ITGBL1: variants seen among roughly 807,000 people sequenced by gnomAD.
ITGBL1 encodes integrin beta-like protein 1.
A neutral mutation model predicts 68.5 loss-of-function variants in ITGBL1; 51 were observed. The observed-to-expected ratio is 0.74, with a 90% CI of 0.59 to 0.94. The LOEUF is 0.94. Ranked by LOEUF, ITGBL1 falls within the 40% of genes least tolerant of loss-of-function variation. The pLI is 0.00. For synonymous variants in ITGBL1, 209 were observed against 227.3 expected (o/e 0.92, Z 0.72); for missense variants, 649 against 647.4 (o/e 1.00, Z -0.03).
intron 2 of ITGBL1, among the ~76,000 whole-genome samples, chr13:101,548,942 A>G (rs566818430): frequency 6.6e-6 from 1 of 151,928 alleles, no homozygotes; most frequent in African/African-American, 2.4e-5. Flanking sequence ...AAGGCTTAAA[A>G]TGAAGAATAC....
At chr13:101,528,708 A>G in intron 2 of ITGBL1, among the ~76,000 whole-genome samples, 1 of 152,022 alleles carries the variant, frequency 6.6e-6, no homozygotes. Context: ...AAAGTCGTTA[A>G]GTAGTTCTTA....
chr13:101,690,794 C>CCA, intron 7 of ITGBL1, among the ~76,000 whole-genome samples: 1 of 152,156 alleles, frequency 6.6e-6, no homozygotes, highest in Non-Finnish European at 1.5e-5. Flanking sequence ...ATGGATCCTT[C>CCA]TGACATTTTA....
intron 3 of ITGBL1, among the ~76,000 whole-genome samples, chr13:101,574,315 A>G (rs1572327): frequency 0.9 from 136,723 of 152,034 alleles, 61,958 homozygotes; most frequent in Middle Eastern, 0.96. Flanking sequence ...CTATTGTCTC[A>G]TGCTGGAAGT....
chr13:101,634,941 GGTGTGTGT>G (rs59309809), intron 7 of ITGBL1, among the ~76,000 whole-genome samples: 89 of 145,894 alleles, frequency 6.1e-4, no homozygotes, highest in African/African-American at 1.9e-3. Context: ...ATAAGCAAAA[GGTGTGTGT>G]GTGTGTGTGT....
rs373403806 is a variant in ITGBL1 at position 101,655,324 on chromosome 13, A to G, written c.1016-37261A>G. ...ATGTGGGAGGAGTGGACATATTGCA[A>G]AAAGCAGTTGCCAGACATGCACATT... On this transcript the variant is annotated intron_variant, in intron 7 of 10. Coordinates refer to ENST00000376180, the MANE Select transcript of ITGBL1 (RefSeq NM_004791.3). Among the ~76,000 whole-genome samples, 6 of 152,324 alleles carry G rather than the reference A, an allele frequency of 3.9e-5. No individual in the cohort carries two copies. The East Asian group carries it at 7.7e-4, about 20-fold the overall frequency.
chr13:101,647,508 G>A lies in ITGBL1; in HGVS notation c.1016-45077G>A, dbSNP rs761748823. 1.4e-4 allele frequency among the ~76,000 whole-genome samples: 21 copies of A among 152,276 alleles called. 1 individual carries two copies. The highest frequency in any genetic ancestry group is 3.4e-3 in the Middle Eastern group (1 of 294). ...ACCAACAAAAAAAAATATATTTGAAGGAATGGGAATGCCGTTAAGGCAGCC... is the reference window on the plus strand; with the variant it reads ...ACCAACAAAAAAAAATATATTTGAAAGAATGGGAATGCCGTTAAGGCAGCC... On this transcript the variant is annotated intron_variant, in intron 7 of 10. Coordinates refer to ENST00000376180, the MANE Select transcript of ITGBL1 (RefSeq NM_004791.3).
intron 3 of ITGBL1, among the ~76,000 whole-genome samples, 165 bp from the exon 4 acceptor site, chr13:101,575,259 A>G (rs1336677153): frequency 1.3e-5 from 2 of 152,208 alleles, no homozygotes; most frequent in Admixed American, 1.3e-4. Flanking sequence ...AATAACCTCA[A>G]GAAAGAGTAG....
intron 6 of ITGBL1, among the ~76,000 whole-genome samples, chr13:101,596,513 G>C (rs2029981772): frequency 6.6e-6 from 1 of 152,074 alleles, no homozygotes; most frequent in African/African-American, 2.4e-5. Flanking sequence ...ATTTCACAAT[G>C]CATATGCATA....
intron 2 of ITGBL1, among the ~76,000 whole-genome samples, chr13:101,559,002 A>G (rs2050057672): frequency 6.6e-6 from 1 of 152,216 alleles, no homozygotes; most frequent in Admixed American, 6.5e-5. Flanking sequence ...CAGCCAAAAT[A>G]CTGTGTTTTG....
intron 7 of ITGBL1, among the ~76,000 whole-genome samples, chr13:101,619,934 A>G (rs550894536): frequency 6.6e-6 from 1 of 152,244 alleles, no homozygotes; most frequent in Non-Finnish European, 1.5e-5. Context: ...CCAAAGCACA[A>G]CTTTATAGCT....
intron 7 of ITGBL1, among the ~76,000 whole-genome samples, chr13:101,676,978 G>A (rs9582516): frequency 4.6e-5 from 7 of 152,178 alleles, no homozygotes; most frequent in African/African-American, 1.7e-4. Context: ...ATAAAAATTA[G>A]CTGGGCGTGG....
intron 2 of ITGBL1, among the ~76,000 whole-genome samples, chr13:101,518,921 C>T (rs532605196): frequency 6.6e-6 from 1 of 152,258 alleles, no homozygotes; most frequent in East Asian, 1.9e-4. Flanking sequence ...CTAGTTACCA[C>T]AGTTAGGACT....
chr13:101,667,443 C>T (rs1477836840), intron 7 of ITGBL1, among the ~76,000 whole-genome samples: 2 of 149,242 alleles, frequency 1.3e-5, no homozygotes, highest in Non-Finnish European at 3.0e-5. Flanking sequence ...GAAACATAAA[C>T]AGCAAGGAAT....
At position 101,621,697 on chromosome 13, in the gene ITGBL1, T is replaced by C. The variant is rs551805920; in HGVS notation, c.1015+23398T>C. 6.6e-5 allele frequency among the ~76,000 whole-genome samples: 10 copies of C among 152,274 alleles called. No individual in the cohort carries two copies. The South Asian group carries it at 1.0e-3, about 16-fold the overall frequency. ...CAGTCTTAATGCATTGAAATGAAGATAATACAAAAAGAAAGCTTTTTCAAA... is the reference window on the plus strand; with the variant it reads ...CAGTCTTAATGCATTGAAATGAAGACAATACAAAAAGAAAGCTTTTTCAAA... On this transcript the variant is annotated intron_variant, in intron 7 of 10. Coordinates refer to ENST00000376180, the MANE Select transcript of ITGBL1 (RefSeq NM_004791.3).
chr13:101,459,604 A>G (rs769080317), intron 2 of ITGBL1, among the ~76,000 whole-genome samples: 5 of 151,936 alleles, frequency 3.3e-5, no homozygotes, highest in Non-Finnish European at 7.4e-5. Flanking sequence ...TTAGCTGGGC[A>G]TGGTGCACAC....
At chr13:101,455,101 G>A (rs1390142634) in intron 2 of ITGBL1, among the ~76,000 whole-genome samples, 4 of 152,182 alleles carry the variant, frequency 2.6e-5, no homozygotes, top group African/African-American at 7.2e-5. Flanking sequence ...ATGCATTCCA[G>A]CCAGGGTTTG....
At chr13:101,673,499 A>G (rs1363296661) in intron 7 of ITGBL1, among the ~76,000 whole-genome samples, 2 of 152,112 alleles carry the variant, frequency 1.3e-5, no homozygotes, top group East Asian at 3.9e-4. Flanking sequence ...ACCTGGATAA[A>G]CCCCTTTGGG....
At chr13:101,483,634 A>C (rs189949604) in intron 2 of ITGBL1, among the ~76,000 whole-genome samples, 79 of 152,296 alleles carry the variant, frequency 5.2e-4, no homozygotes, top group African/African-American at 1.8e-3. Context: ...ATACTGGGCT[A>C]TTTGGGCTAG....
intron 6 of ITGBL1, among the ~76,000 whole-genome samples, chr13:101,592,899 A>G (rs1384026099): frequency 6.6e-6 from 1 of 152,118 alleles, no homozygotes; most frequent in Non-Finnish European, 1.5e-5. Flanking sequence ...CAAAGCAACA[A>G]AAACAAATAG....
Sources: allele counts gnomAD v4.1 joint callset (sites outside exome capture counted in the v4.1 genomes callset), GRCh38; gene constraint gnomAD v4.1.1; transcripts MANE v1.5; gene names NCBI Gene and HGNC (gene_info 2026-07-23, HGNC 2026-07-21).